Variants in BICC1 observed in about 807,000 individuals in gnomAD.
BICC1 encodes the protein BicC family RNA binding protein 1.
A neutral mutation model predicts 111.0 loss-of-function variants in BICC1; 43 were observed. The ratio of observed to expected loss-of-function variants is 0.39; its 90% CI spans 0.30 to 0.50. The LOEUF is 0.50. Ranked by LOEUF, BICC1 falls within the 20% of genes least tolerant of loss-of-function variation. BICC1 has a pLI of 0.88. For synonymous variants in BICC1, 467 were observed against 434.4 expected, an observed-to-expected ratio of 1.07 and a Z score of -0.93; for missense variants, 1,091 against 1,203.2, an observed-to-expected ratio of 0.91 and a Z score of 1.38.
intron 1 of BICC1, among the ~76,000 whole-genome samples, chr10:58,601,173 T>TATATATATATATATATAAAA (rs752405472): frequency 1.5e-5 from 2 of 131,084 alleles, no homozygotes; most frequent in African/African-American, 5.6e-5. Flanking sequence ...TATATATATC[T>TATATATATATATATATAAAA]CCCAATAAAA....
At chr10:58,700,627 G>A (rs1215976439) in intron 2 of BICC1, among the ~76,000 whole-genome samples, 4 of 152,184 alleles carry the variant, frequency 2.6e-5, no homozygotes, top group African/African-American at 9.7e-5. Flanking sequence ...AGAGACATAA[G>A]TGTAGAGAAA....
intron 1 of BICC1, among the ~76,000 whole-genome samples, chr10:58,542,857 C>A (rs932913884): frequency 1.5e-4 from 22 of 142,836 alleles, no homozygotes; most frequent in Non-Finnish European, 2.8e-4. Context: ...TAAAAAAAAA[C>A]AAACTGAAAA....
intron 2 of BICC1, among the ~76,000 whole-genome samples, chr10:58,664,209 A>G (rs956979554): frequency 6.6e-6 from 1 of 152,184 alleles, no homozygotes; most frequent in Non-Finnish European, 1.5e-5. Flanking sequence ...GTTGTTTCAC[A>G]TCCTTGTCAG....
intron 2 of BICC1, chr10:58,648,648 C>A: frequency 1.0e-6 from 1 of 985,142 alleles, no homozygotes; most frequent in African/African-American, 1.7e-5. Flanking sequence ...GATCTCATAT[C>A]TTTAGGCATC....
At chr10:58,695,645 G>T (rs1051780886) in intron 2 of BICC1, among the ~76,000 whole-genome samples, 1 of 152,132 alleles carries the variant, frequency 6.6e-6, no homozygotes, top group African/African-American at 2.4e-5. Context: ...ACTTAACGTC[G>T]GGAGCGAAGA....
chr10:58,565,748 G>T (rs1001228715), intron 1 of BICC1, among the ~76,000 whole-genome samples: 1 of 152,118 alleles, frequency 6.6e-6, no homozygotes, highest in Non-Finnish European at 1.5e-5. Context: ...AAGACTGGTT[G>T]CAGGGTAAGG....
At chr10:58,740,221 C>T (rs183148225) in intron 3 of BICC1, among the ~76,000 whole-genome samples, 15 of 152,238 alleles carry the variant, frequency 9.9e-5, no homozygotes, top group South Asian at 4.1e-4. Context: ...ATGGAAATAA[C>T]GTGTGTTTTT....
chr10:58,826,349 C>G (rs1431168171), intron 20 of BICC1, among the ~76,000 whole-genome samples: 1 of 152,040 alleles, frequency 6.6e-6, no homozygotes, highest in Non-Finnish European at 1.5e-5. Flanking sequence ...TTCCCAGACA[C>G]GGTTAAGAAA....
Position 58,685,164 on chromosome 10 carries a change from A to T in BICC1, c.238-16910A>T, listed in dbSNP as rs144987646. 9.2e-3 allele frequency among the ~76,000 whole-genome samples: 1,395 copies of T among 152,180 alleles called. 15 individuals carry two copies. Among genetic ancestry groups the T allele is most frequent in the African/African-American group, 0.031 (1,307 of 41,506 alleles). ...TTCAGGAGCAGGTTGTTCAGTTTCT[A>T]TGTAGTTGAGGGGTTTTGAGTGAGT... On this transcript the variant is annotated intron_variant, in intron 2 of 20. Transcript: ENST00000373886.
intron 2 of BICC1, among the ~76,000 whole-genome samples, chr10:58,625,006 AT>A: frequency 6.6e-6 from 1 of 152,346 alleles, no homozygotes; most frequent in South Asian, 2.1e-4. Flanking sequence ...GGGATTACAG[AT>A]TAAACTATGT....
chr10:58,638,942 T>C (rs1216677655), intron 2 of BICC1, among the ~76,000 whole-genome samples: 2 of 143,152 alleles, frequency 1.4e-5, no homozygotes, highest in Admixed American at 6.9e-5. Flanking sequence ...TTTGCTTTCA[T>C]CTTTTTCTTT....
chr10:58,772,783 A>T (rs1314138682), intron 3 of BICC1, among the ~76,000 whole-genome samples: 1 of 152,210 alleles, frequency 6.6e-6, no homozygotes, highest in Non-Finnish European at 1.5e-5. Context: ...TGGTTACAGA[A>T]ATCTCACTTC....
intron 1 of BICC1, among the ~76,000 whole-genome samples, chr10:58,527,219 A>ATGTCTT (rs755020878): frequency 7.7e-4 from 116 of 151,162 alleles, no homozygotes; most frequent in Non-Finnish European, 1.3e-3. Context: ...GGCTGCATAA[A>ATGTCTT]TGTCTTTTGA....
In BICC1 at chr10:58,792,062, G is replaced by A. The variant is rs1018670079; in HGVS notation, c.1048-1422G>A. ...CCACCTAAGCCTCCCAAAGTGCTGG[G>A]ATTACAGGCATGAGCCATGGTTCCC... On this transcript the variant is annotated intron_variant, in intron 8 of 20. Coordinates refer to ENST00000373886, the MANE Select transcript of BICC1 (RefSeq NM_001080512.3). 3.0e-4 allele frequency among the ~76,000 whole-genome samples: 46 copies of A among 152,150 alleles called. 1 individual carries two copies. Among genetic ancestry groups the A allele is most frequent in the African/African-American group, 1.1e-3 (46 of 41,446 alleles).
chr10:58,785,117 T>C, intron 4 of BICC1, 37 bp downstream of exon 4: 1 of 1,310,560 alleles, frequency 7.6e-7, no homozygotes, highest in Non-Finnish European at 1.1e-6. Flanking sequence ...TGTCAGAACC[T>C]TGTCTCTACA....
At chr10:58,613,089 A>C (rs1845485643) in intron 1 of BICC1, among the ~76,000 whole-genome samples, 1 of 152,230 alleles carries the variant, frequency 6.6e-6, no homozygotes, top group African/African-American at 2.4e-5. Flanking sequence ...GAGAAATTAT[A>C]ATAAACATAA....
Position 58,789,284 on chromosome 10 carries a change from T to C in BICC1, c.623T>C (p.Met208Thr). Residue 208 changes from methionine to threonine, a missense_variant, in exon 7 of 21, where the codon ATG becomes ACG. By Grantham distance (81) the Met-to-Thr change is moderately conservative. Around this residue, in one of 3 missense-constraint regions of BICC1, gnomAD observed 843 missense variants for 900.8 expected, o/e 0.94. Transcript: ENST00000373886. Reference sequence around the variant, plus strand: ...TAGGAGCTGCTTCCTTTGGTGCTGATGTTTGAGCTACCAATTGCTGGAATT... The same window carrying C: ...TAGGAGCTGCTTCCTTTGGTGCTGACGTTTGAGCTACCAATTGCTGGAATT... ...RIRELLPLVL[M>T]FELPIAGILQ... 2 of 1,613,950 alleles carry C rather than the reference T, an allele frequency of 1.2e-6. No individual in the cohort carries two copies. Among genetic ancestry groups the C allele is most frequent in the Non-Finnish European group, 1.7e-6 (2 of 1,179,912 alleles).
chr10:58,569,896 A>C (rs1266062201), intron 1 of BICC1, among the ~76,000 whole-genome samples: 1 of 152,130 alleles, frequency 6.6e-6, no homozygotes, highest in Non-Finnish European at 1.5e-5. Context: ...CAATCCTTTG[A>C]ATATATACCC....
intron 1 of BICC1, among the ~76,000 whole-genome samples, chr10:58,575,857 C>G (rs1029533511): frequency 6.6e-5 from 10 of 152,128 alleles, no homozygotes; most frequent in Admixed American, 6.6e-5. Flanking sequence ...TTTATTTATG[C>G]AAGTTCACAA....
Sources: gnomAD v4.1 joint callset for allele counts (sites outside exome capture counted in the v4.1 genomes callset) on GRCh38, gnomAD v4.1.1 for gene constraint, gnomAD v4.1.1 regional missense constraint, MANE v1.5 for transcripts, NCBI Gene and HGNC (gene_info 2026-07-23, HGNC 2026-07-21) for gene names.